Variants in NDST4 observed in about 807,000 individuals in gnomAD.
NDST4 encodes the protein N-heparan sulfate sulfotransferase 4.
A neutral mutation model predicts 100.8 loss-of-function variants in NDST4; 63 were observed. The observed-to-expected ratio is 0.62, with a 90% confidence interval of 0.51 to 0.77. The LOEUF (loss-of-function observed/expected upper bound fraction) is 0.77. Among genes scored for constraint, NDST4 ranks in the 30% least tolerant of loss-of-function variants. The pLI is 0.00. For missense variants in NDST4, 943 were observed against 1,018.4 expected, an observed-to-expected ratio of 0.93 and a Z score of 1.01; for synonymous variants, 377 against 361.8, an observed-to-expected ratio of 1.04 and a Z score of -0.48.
intron 2 of NDST4, among the ~76,000 whole-genome samples, chr4:114,989,850 T>C (rs539974864): frequency 2.0e-5 from 3 of 152,318 alleles, no homozygotes; most frequent in African/African-American, 7.2e-5. Context: ...ATGTAGCATA[T>C]GATGACTTCT....
At chr4:115,087,843 T>C (rs1212783046) in intron 1 of NDST4, among the ~76,000 whole-genome samples, 1 of 151,922 alleles carries the variant, frequency 6.6e-6, no homozygotes, top group Non-Finnish European at 1.5e-5. Context: ...CTTTTTTTCT[T>C]AACAAAATTT....
intron 1 of NDST4, among the ~76,000 whole-genome samples, chr4:115,102,593 A>G (rs1181215667): frequency 6.6e-6 from 1 of 151,892 alleles, no homozygotes; most frequent in East Asian, 1.9e-4. Context: ...TTAGGTAAGC[A>G]GTCACTTCCA....
intron 2 of NDST4, among the ~76,000 whole-genome samples, chr4:115,069,531 G>A (rs959263054): frequency 1.4e-4 from 21 of 152,054 alleles, no homozygotes; most frequent in African/African-American, 4.1e-4. Context: ...ACATACATGC[G>A]GCCAACAAGC....
chr4:114,914,909 C>T (rs1175007762), intron 6 of NDST4, among the ~76,000 whole-genome samples: 6 of 152,008 alleles, frequency 3.9e-5, no homozygotes, highest in African/African-American at 1.2e-4. Context: ...AACTTGGACT[C>T]AAGACAGTGG....
At chr4:114,966,722 G>T (rs1726390728) in intron 4 of NDST4, among the ~76,000 whole-genome samples, 1 of 151,958 alleles carries the variant, frequency 6.6e-6, no homozygotes, top group Non-Finnish European at 1.5e-5. Context: ...TCTCATAATT[G>T]CTTCAATTCC....
At chr4:114,976,676 T>C (rs114422520) in intron 3 of NDST4, among the ~76,000 whole-genome samples, 1,727 of 152,030 alleles carry the variant, frequency 0.011, 36 homozygotes, top group African/African-American at 0.039. Context: ...TTAGTGGTAA[T>C]ATTGTTTTAG....
At chr4:114,869,751 T>A (rs1188963889) in intron 7 of NDST4, among the ~76,000 whole-genome samples, 1 of 152,178 alleles carries the variant, frequency 6.6e-6, no homozygotes, top group Non-Finnish European at 1.5e-5. Flanking sequence ...TAGTGAATAA[T>A]GAGAAATCTC....
At chr4:114,944,919 A>G (rs1364423616) in intron 4 of NDST4, among the ~76,000 whole-genome samples, 1 of 152,112 alleles carries the variant, frequency 6.6e-6, no homozygotes, top group Non-Finnish European at 1.5e-5. Context: ...GAGCCAGAGA[A>G]TAAAAGAGGA....
At chr4:114,845,748 T>C in intron 10 of NDST4, 75 bp downstream of exon 10, 2 of 1,356,830 alleles carry the variant, frequency 1.5e-6, no homozygotes, top group South Asian at 1.4e-5. Flanking sequence ...GTTTAGGTTC[T>C]ATTCTGGTTA....
chr4:114,969,838 AT>A (rs1726470193), intron 4 of NDST4, among the ~76,000 whole-genome samples: 2 of 152,290 alleles, frequency 1.3e-5, no homozygotes, highest in Admixed American at 1.3e-4. Flanking sequence ...TAATAATAGG[AT>A]TGCTCAATCA....
chr4:114,885,333 T>C (rs1724455411), intron 6 of NDST4, among the ~76,000 whole-genome samples: 1 of 152,152 alleles, frequency 6.6e-6, no homozygotes, highest in Non-Finnish European at 1.5e-5. Flanking sequence ...TAGTCTGCTA[T>C]TATAGATTAA....
In NDST4 at chr4:114,937,442, G is replaced by A. The variant is rs1481004250; in HGVS notation, c.1283C>T (p.Pro428Leu). The A allele has an allele frequency of 3.1e-6, 5 of 1,612,320 alleles. No individual in the cohort carries two copies. The highest frequency in any genetic ancestry group is 3.3e-5 in the Admixed American group (2 of 59,882). The change falls in exon 5 of 14, where the codon CCG becomes CTG. Residue 428 changes from proline (P) to leucine (L), a missense_variant. By Grantham distance (98) the Pro-to-Leu change is moderately conservative. Around this residue, in one of 2 missense-constraint regions of NDST4, gnomAD observed 526 missense variants for 634.1 expected, o/e 0.83. Transcript: ENST00000264363. ...AGCTGCATACAGCTGAATGTGAACC[G>A]GGTAGACCCCTGAGTGATGTGGGGC... ...AVAPHHSGVY[P>L]VHIQLYAAWK... is the part of the protein sequence containing the mutation.
intron 2 of NDST4, among the ~76,000 whole-genome samples, chr4:114,987,438 G>A (rs899721869): frequency 1.3e-5 from 2 of 152,114 alleles, no homozygotes; most frequent in African/African-American, 4.8e-5. Flanking sequence ...TACAGATTTG[G>A]TTACCACTGT....
At chr4:114,938,491 C>T (rs889653528) in intron 4 of NDST4, among the ~76,000 whole-genome samples, 1 of 152,172 alleles carries the variant, frequency 6.6e-6, no homozygotes, top group African/African-American at 2.4e-5. Flanking sequence ...AAATGCTTAT[C>T]TGCTTTAAAA....
intron 2 of NDST4, among the ~76,000 whole-genome samples, chr4:114,998,881 C>A (rs1727221422): frequency 1.3e-5 from 2 of 152,042 alleles, no homozygotes; most frequent in Non-Finnish European, 2.9e-5. Context: ...ACCTCATCCA[C>A]CAAGCCTCAT....
At chr4:115,047,460 G>A (rs954378647) in intron 2 of NDST4, among the ~76,000 whole-genome samples, 1 of 152,000 alleles carries the variant, frequency 6.6e-6, no homozygotes, top group Non-Finnish European at 1.5e-5. Flanking sequence ...TTATTACAAA[G>A]TAAGTAATGA....
At chr4:115,005,131 A>T (rs189834815) in intron 2 of NDST4, among the ~76,000 whole-genome samples, 1 of 152,304 alleles carries the variant, frequency 6.6e-6, no homozygotes, top group African/African-American at 2.4e-5. Context: ...AGAATAATTC[A>T]TCACTCTTTC....
chr4:114,845,878 G>GCTTTGGGGA lies in NDST4; in HGVS notation c.2051_2059dup (p.Val684_Lys686dup). On this transcript the variant is annotated inframe_insertion, in exon 10 of 14. Transcript: ENST00000264363. ...GTCAATGAGGATGGTGATGATCTTG[G>GCTTTGGGGA]CTTTGGGGACAAGAGATGCGGCTCG... The GCTTTGGGGA allele has an allele frequency of 6.2e-7, 1 of 1,614,108 alleles. No individual in the cohort carries two copies. Among genetic ancestry groups the GCTTTGGGGA allele is most frequent in the Non-Finnish European group, 8.5e-7 (1 of 1,180,012 alleles).
At chr4:115,097,109 C>T (rs1378628695) in intron 1 of NDST4, among the ~76,000 whole-genome samples, 1 of 151,842 alleles carries the variant, frequency 6.6e-6, no homozygotes, top group Non-Finnish European at 1.5e-5. Flanking sequence ...GTGAAGTTCC[C>T]CAGGGCCTAT....
Sources: gnomAD v4.1 joint callset for allele counts (sites outside exome capture counted in the v4.1 genomes callset) on GRCh38, gnomAD v4.1.1 for gene constraint, gnomAD v4.1.1 regional missense constraint, MANE v1.5 for transcripts, NCBI Gene and HGNC (gene_info 2026-07-23, HGNC 2026-07-21) for gene names.